Variants in DHX34 observed in about 807,000 individuals in gnomAD.
DHX34 encodes probable ATP-dependent RNA helicase DHX34.
Under a neutral mutation model 111.1 loss-of-function variants are expected in DHX34, and 96 were observed. The observed-to-expected ratio is 0.86, with a 90% CI of 0.73 to 1.02. DHX34 has a LOEUF of 1.02. Ranked by LOEUF, DHX34 falls within the 50% of genes least tolerant of loss-of-function variation. DHX34 has a pLI of 0.00. For synonymous variants in DHX34, 688 were observed against 670.4 expected (o/e 1.03, Z -0.41); for missense variants, 1,560 against 1,579.9 (o/e 0.99, Z 0.21).
chr19:47,360,195 C>A (rs1969587266), intron 5 of DHX34, 125 bp downstream of exon 5: 2 of 816,400 alleles, frequency 2.4e-6, no homozygotes, highest in Non-Finnish European at 4.0e-6. Flanking sequence ...TTTCCCATAT[C>A]CAAAATGCTT....
chr19:47,360,147 C>G (rs1969584918), intron 5 of DHX34, 77 bp downstream of exon 5: 1 of 1,382,050 alleles, frequency 7.2e-7, no homozygotes, highest in Non-Finnish European at 1.0e-6. Flanking sequence ...GCGTGTGTGG[C>G]AGGGGCGCAC....
At chr19:47,375,843 T>C in intron 10 of DHX34, 81 bp from the exon 11 acceptor site, 1 of 1,541,470 alleles carries the variant, frequency 6.5e-7, no homozygotes, top group Non-Finnish European at 8.7e-7. Context: ...GTCCCAGGTA[T>C]CTGCAGAGCC....
Position 47,353,680 on chromosome 19 carries a change from G to A in DHX34, c.650G>A (p.Cys217Tyr). 6.2e-7 allele frequency: 1 copy of A among 1,611,876 alleles called. No individual in the cohort carries two copies. The highest frequency in any genetic ancestry group is 8.5e-7 in the Non-Finnish European group (1 of 1,179,264). ...VACTQPRRIA[C>Y]ISLAKRVGFE... ...TGCACCCAGCCCCGGCGGATCGCCT[G>A]CATCTCACTGGCCAAGCGTGTGGGC... The change falls in exon 2 of 17, where the codon TGC becomes TAC. Residue 217 changes from cysteine (C) to tyrosine (Y), a missense_variant. Transcript: ENST00000328771. The surrounding 1 kb of genome is among the most constrained non-coding windows in gnomAD (Gnocchi z 4.6).
chr19:47,368,431 C>G (rs1199826276), intron 7 of DHX34, among the ~76,000 whole-genome samples: 1 of 146,364 alleles, frequency 6.8e-6, no homozygotes, highest in Admixed American at 6.9e-5. Flanking sequence ...CTCAGCCTCC[C>G]GAGTAGCTGG....
At chr19:47,350,978 A>C (rs1969266890) in intron 1 of DHX34, among the ~76,000 whole-genome samples, 2 of 152,010 alleles carry the variant, frequency 1.3e-5, no homozygotes, top group Non-Finnish European at 2.9e-5. Context: ...AACCCACTGA[A>C]GGCCATGAGC....
intron 6 of DHX34, among the ~76,000 whole-genome samples, chr19:47,363,767 G>A (rs1400290960): frequency 4.9e-5 from 7 of 143,032 alleles, no homozygotes; most frequent in African/African-American, 1.3e-4. Context: ...GCGGTGAGCC[G>A]AGATCACACC....
intron 3 of DHX34, among the ~76,000 whole-genome samples, chr19:47,356,385 A>G (rs1034484151): frequency 6.6e-6 from 1 of 152,108 alleles, no homozygotes; most frequent in Non-Finnish European, 1.5e-5. Flanking sequence ...TAATCCCAGC[A>G]CTTTGGGAGG....
intron 13 of DHX34, 115 bp downstream of exon 13, chr19:47,377,321 G>A (rs995471835): frequency 1.1e-5 from 12 of 1,089,126 alleles, no homozygotes; most frequent in African/African-American, 7.9e-5. Flanking sequence ...TGGGCTGGCC[G>A]CAGGCGTCAG....
At chr19:47,364,606 A>G (rs755612962) in intron 6 of DHX34, among the ~76,000 whole-genome samples, 5 of 151,658 alleles carry the variant, frequency 3.3e-5, no homozygotes, top group Non-Finnish European at 5.9e-5. Context: ...GCCCAGTGTG[A>G]TGGCACACAC....
At chr19:47,354,923 G>A (rs2694562) in intron 2 of DHX34, 116 bp from the exon 3 acceptor site, 95,480 of 1,512,186 alleles carry the variant, frequency 0.063, 3,826 homozygotes, top group African/African-American at 0.18. Flanking sequence ...CAAAGTGCTG[G>A]GATTACAGGC....
intron 4 of DHX34, among the ~76,000 whole-genome samples, 159 bp downstream of exon 4, chr19:47,358,279 G>T (rs1027896119): frequency 6.6e-6 from 1 of 152,216 alleles, no homozygotes; most frequent in African/African-American, 2.4e-5. Flanking sequence ...AACCCAGGTA[G>T]TCTGGCCCCG....
Position 47,380,833 on chromosome 19 carries a change from G to A in DHX34, c.3000G>A (p.Arg1000=). 2 of 1,613,876 alleles carry A rather than the reference G, an allele frequency of 1.2e-6. No individual in the cohort carries two copies. The highest frequency in any genetic ancestry group is 1.7e-6 in the Non-Finnish European group (2 of 1,179,898). ...FTASKIPYSL[R]RLTGLEVQNM... Reference sequence around the variant, plus strand: ...TTCCTTAGATTCCTTACAGCCTCCGGCGGCTCACAGGGCTAGAAGTCCAGA... The same window carrying A: ...TTCCTTAGATTCCTTACAGCCTCCGACGGCTCACAGGGCTAGAAGTCCAGA... The change falls in exon 15 of 17, where the codon CGG becomes CGA. Residue 1000 remains arginine, a synonymous_variant. Transcript: ENST00000328771.
At chr19:47,355,744 C>T (rs375351359) in intron 3 of DHX34, among the ~76,000 whole-genome samples, 2 of 151,518 alleles carry the variant, frequency 1.3e-5, no homozygotes, top group Non-Finnish European at 2.9e-5. Context: ...CCCAGCTACT[C>T]GGGAGGCTGA....
intron 6 of DHX34, chr19:47,366,727 T>G (rs1484423717): frequency 3.8e-6 from 2 of 531,658 alleles, no homozygotes; most frequent in African/African-American, 4.1e-5. Flanking sequence ...ATTACAGTCA[T>G]GCACCACCAC....
rs767150327 is a variant in DHX34 at position 47,353,305 on chromosome 19, C to T, written c.275C>T (p.Ala92Val). 1.4e-5 allele frequency: 22 copies of T among 1,614,062 alleles called. No homozygotes were observed. The highest frequency in any genetic ancestry group is 1.6e-5 in the Non-Finnish European group (19 of 1,180,036). The change falls in exon 2 of 17, where the codon GCG becomes GTG. Residue 92 changes from alanine to valine, a missense_variant. Ala to Val is a moderately conservative substitution (Grantham distance 64). Transcript: ENST00000328771. The surrounding 1 kb of genome is among the most constrained non-coding windows in gnomAD (Gnocchi z 4.6). ...GGACAGCCCAAGCACAGCATCCCAG[C>T]GCTGGCCGACCTACCTCGCACTTAC... ...DPGQPKHSIPALADLPRTYDP... is the reference protein window; with the variant it reads ...DPGQPKHSIPVLADLPRTYDP...
At position 47,353,059 on chromosome 19, in the gene DHX34, G is replaced by C. The variant is rs768588954; in HGVS notation, c.29G>C (p.Arg10Thr). Residue 10 changes from arginine to threonine, a missense_variant, in exon 2 of 17, where the codon AGG becomes ACG. Physicochemically the swap from Arg to Thr is moderately conservative, Grantham distance 71. Coordinates refer to ENST00000328771, the MANE Select transcript of DHX34 (RefSeq NM_014681.6). The surrounding 1 kb of genome is among the most constrained non-coding windows in gnomAD (Gnocchi z 4.6). ...CCTCCTCCTAGAACAAGGGAGGGCAGGGATCGCCGAGACCACCACCGGGCT... is the reference window on the plus strand; with the variant it reads ...CCTCCTCCTAGAACAAGGGAGGGCACGGATCGCCGAGACCACCACCGGGCT... MPPPRTREG[R>T]DRRDHHRAPS... 5.0e-6 allele frequency: 8 copies of C among 1,613,476 alleles called. No individual in the cohort carries two copies. The highest frequency in any genetic ancestry group is 6.8e-6 in the Non-Finnish European group (8 of 1,179,436).
chr19:47,370,872 C>T (rs180891759), intron 7 of DHX34, among the ~76,000 whole-genome samples: 2 of 152,274 alleles, frequency 1.3e-5, no homozygotes, highest in Admixed American at 1.3e-4. Flanking sequence ...CAGGGTTTCA[C>T]CACATTGGCC....
At chr19:47,358,672 T>C (rs1321573835) in intron 4 of DHX34, among the ~76,000 whole-genome samples, 5 of 152,084 alleles carry the variant, frequency 3.3e-5, no homozygotes, top group Non-Finnish European at 7.4e-5. Flanking sequence ...TGGAGTGCAG[T>C]GGCATGATCG....
Position 47,382,284 on chromosome 19 carries a change from C to G in DHX34, c.*171C>G. 6 of 1,202,084 alleles carry G rather than the reference C, an allele frequency of 5.0e-6. No homozygotes were observed. The highest frequency in any genetic ancestry group is 2.6e-5 in the East Asian group (1 of 38,074). The allele number at this position is 1,202,084 out of a possible 1,614,324, so 74.5% of individuals were successfully genotyped here. On this transcript the variant is annotated 3_prime_UTR_variant, in exon 17 of 17. Transcript: ENST00000328771. ...ATAAAGCCTCACATGCTGATACACACTGTTAGGCCTGCACCTGCCCATCCA... is the reference window on the plus strand; with the variant it reads ...ATAAAGCCTCACATGCTGATACACAGTGTTAGGCCTGCACCTGCCCATCCA...
Sources: allele counts gnomAD v4.1 joint callset (sites outside exome capture counted in the v4.1 genomes callset), GRCh38; gene constraint gnomAD v4.1.1; non-coding constraint Gnocchi (gnomAD v3.1); transcripts MANE v1.5; gene names NCBI Gene and HGNC (gene_info 2026-07-23, HGNC 2026-07-21).